The following ZC3H7B variants were observed in gnomAD, a reference collection of about 807,000 sequenced individuals.
The protein encoded by ZC3H7B is zinc finger CCCH domain-containing protein 7B.
Under a neutral mutation model 116.0 loss-of-function variants are expected in ZC3H7B, and 35 were observed. The observed-to-expected ratio is 0.30, with a 90% CI of 0.23 to 0.40. The LOEUF is 0.40. Ranked by LOEUF, ZC3H7B falls within the 10% of genes least tolerant of loss-of-function variation. The probability of loss-of-function intolerance (pLI) is 1.00; values close to 1 mark genes in which losing one functional copy is unlikely to be tolerated. For missense variants in ZC3H7B, 1,011 were observed against 1,321.5 expected (o/e 0.77, Z 3.64); for synonymous variants, 502 against 545.6 (o/e 0.92, Z 1.11).
At chr22:41,308,486 C>A (rs1004194593) in intron 1 of ZC3H7B, among the ~76,000 whole-genome samples, 12 of 152,170 alleles carry the variant, frequency 7.9e-5, no homozygotes, top group African/African-American at 2.7e-4. Flanking sequence ...GAATCTGCAT[C>A]AGGGGTTGTA....
At chr22:41,354,049 A>T (rs754263996) in intron 17 of ZC3H7B, among the ~76,000 whole-genome samples, 2 of 152,154 alleles carry the variant, frequency 1.3e-5, no homozygotes, top group Non-Finnish European at 2.9e-5. Context: ...TGGGCAACAT[A>T]GTGAGACCCC....
Position 41,330,169 on chromosome 22 carries a change from G to T in ZC3H7B, c.525+66G>T, listed in dbSNP as rs938616317. The T allele has an allele frequency of 6.4e-6, 10 of 1,559,920 alleles. No individual in the cohort carries two copies. In the African/African-American group the frequency reaches 1.2e-4, roughly 19 times the overall value. On this transcript the variant is annotated intron_variant, in intron 6 of 22. Coordinates refer to ENST00000352645, the MANE Select transcript of ZC3H7B (RefSeq NM_017590.6). ...GAGGAGGTCTGAAGGGAGGGACCAGGCTCCGTGGGGAAGGTGGGTGAGGGT... is the reference window on the plus strand; with the variant it reads ...GAGGAGGTCTGAAGGGAGGGACCAGTCTCCGTGGGGAAGGTGGGTGAGGGT...
At position 41,305,420 on chromosome 22, in the gene ZC3H7B, G is replaced by T. The variant is rs377568065; in HGVS notation, c.-7+3648G>T. The stretch of plus-strand genomic sequence containing the variant: ...AGCTACTCAGGAGGCTGAGGCAGGA[G>T]AATCTCTTGAACCTGGGGGGTGGAG... On this transcript the variant is annotated intron_variant, in intron 1 of 22. Coordinates refer to ENST00000352645, the MANE Select transcript of ZC3H7B (RefSeq NM_017590.6). 4.2e-3 allele frequency among the ~76,000 whole-genome samples: 642 copies of T among 151,886 alleles called. 15 individuals carry two copies. The South Asian group carries it at 0.076, about 18-fold the overall frequency.
chr22:41,312,583 C>T (rs1204049146), intron 1 of ZC3H7B, among the ~76,000 whole-genome samples: 1 of 151,836 alleles, frequency 6.6e-6, no homozygotes, highest in South Asian at 2.1e-4. Context: ...CAGTGAGACC[C>T]TGCCTCTAAA....
chr22:41,357,980 T>C lies in ZC3H7B; in HGVS notation c.*551T>C, dbSNP rs542431375. ...GGCCTCAGCTTTCCCTCCGGAAGGC[T>C]GGGAGGAGGTGGGCTAGATGATCTT... is the stretch of plus-strand genomic sequence containing the variant. On this transcript the variant is annotated 3_prime_UTR_variant, in exon 23 of 23. Transcript: ENST00000352645. This position sits in a 1 kb window ranked among gnomAD's most constrained non-coding sequence, Gnocchi z 5.4. 2 of 158,404 alleles carry C rather than the reference T, an allele frequency of 1.3e-5. No individual in the cohort carries two copies. Among genetic ancestry groups the C allele is most frequent in the South Asian group, 3.6e-4 (2 of 5,512 alleles). 9.8% of individuals were successfully genotyped at this position (158,404 alleles called of 1,614,324 possible). A position where few individuals can be genotyped will look rare whatever the true frequency, so the allele number is the denominator to read the frequency against.
chr22:41,357,596 TGC>T lies in ZC3H7B; in HGVS notation c.*169_*170del. ...TCTTCTCCCCACCACCGCCCCGGTG[TGC>T]GTACCCAGGCGCACGTGCTGCAGCC... On this transcript the variant is annotated 3_prime_UTR_variant, in exon 23 of 23. Transcript: ENST00000352645. The surrounding 1 kb of genome is among the most constrained non-coding windows in gnomAD (Gnocchi z 5.4). The T allele has an allele frequency of 1.0e-6, 1 of 1,002,172 alleles. No individual in the cohort carries two copies. The highest frequency in any genetic ancestry group is 1.4e-6 in the Non-Finnish European group (1 of 706,246). 62.1% of individuals were successfully genotyped at this position (1,002,172 alleles called of 1,614,324 possible).
chr22:41,348,103 G>A lies in ZC3H7B; in HGVS notation c.1702G>A (p.Gly568Ser). The change falls in exon 15 of 23, where the codon GGC (glycine) becomes AGC (serine). Residue 568 changes from glycine to serine, a missense_variant. Coordinates refer to ENST00000352645, the MANE Select transcript of ZC3H7B (RefSeq NM_017590.6). ...CAGTAAACCCCGGATCATCAGCAAA[G>A]GCACCAAGGACTCTCCGTCTGTCTG... ...FDSKPRIISK[G>S]TKDSPSVCSN... 6.2e-7 allele frequency: 1 copy of A among 1,614,062 alleles called. No individual in the cohort carries two copies. The highest frequency in any genetic ancestry group is 1.1e-5 in the South Asian group (1 of 91,088).
chr22:41,356,254 G>A (rs1206042627), intron 20 of ZC3H7B, 89 bp from the exon 21 acceptor site: 31 of 1,577,810 alleles, frequency 2.0e-5, no homozygotes, highest in Non-Finnish European at 2.4e-5. Context: ...GACTTGGGAC[G>A]CCCACGGCTC....
chr22:41,355,331 A>G, intron 17 of ZC3H7B, 138 bp from the exon 18 acceptor site: 1 of 1,228,336 alleles, frequency 8.1e-7, no homozygotes, highest in Non-Finnish European at 1.1e-6. Context: ...TGCAGTTGGG[A>G]GGTCACTGCC....
intron 1 of ZC3H7B, among the ~76,000 whole-genome samples, chr22:41,309,457 G>A (rs1366770991): frequency 6.6e-6 from 1 of 151,920 alleles, no homozygotes; most frequent in Admixed American, 6.6e-5. Context: ...GGGATTACAG[G>A]TGCCCACCAC....
intron 1 of ZC3H7B, among the ~76,000 whole-genome samples, chr22:41,306,788 C>T (rs1373417984): frequency 1.3e-5 from 2 of 152,100 alleles, no homozygotes; most frequent in African/African-American, 4.8e-5. Flanking sequence ...AGCTGCAGAG[C>T]CAACCCAGGA....
rs2036364358 is a variant in ZC3H7B at position 41,330,165 on chromosome 22, C to T, written c.525+62C>T. 1.9e-6 allele frequency: 3 copies of T among 1,572,638 alleles called. No individual in the cohort carries two copies. The East Asian group carries it at 6.8e-5, about 36-fold the overall frequency. ...ACGTGAGGAGGTCTGAAGGGAGGGA[C>T]CAGGCTCCGTGGGGAAGGTGGGTGA... On this transcript the variant is annotated intron_variant, in intron 6 of 22. Coordinates refer to ENST00000352645, the MANE Select transcript of ZC3H7B (RefSeq NM_017590.6).
chr22:41,324,918 C>T (rs1279788858), intron 2 of ZC3H7B, among the ~76,000 whole-genome samples: 1 of 152,190 alleles, frequency 6.6e-6, no homozygotes, highest in African/African-American at 2.4e-5. Flanking sequence ...CCCTGGCACT[C>T]CTGCTGCAGC....
chr22:41,357,268 G>A lies in ZC3H7B; in HGVS notation c.2773G>A (p.Val925Met). The change falls in exon 23 of 23, where the codon GTG becomes ATG. Residue 925 changes from valine to methionine, a missense_variant. This residue lies in a region of ZC3H7B where 406 missense variants were observed against 590.2 expected (regional missense o/e 0.69). Transcript: ENST00000352645. The surrounding 1 kb of genome is among the most constrained non-coding windows in gnomAD (Gnocchi z 5.4). ...ELNEWLDRRE[V>M]LKQKLAKARK... Reference sequence around the variant, plus strand: ...CAACGAGTGGCTGGACCGGCGCGAGGTGCTGAAGCAGAAGTTGGCCAAGGC... The same window carrying A: ...CAACGAGTGGCTGGACCGGCGCGAGATGCTGAAGCAGAAGTTGGCCAAGGC... 1 of 1,613,788 alleles carries A rather than the reference G, an allele frequency of 6.2e-7. No homozygotes were observed. The highest frequency in any genetic ancestry group is 8.5e-7 in the Non-Finnish European group (1 of 1,179,990).
intron 7 of ZC3H7B, chr22:41,336,728 C>G (rs2036452790): frequency 6.6e-6 from 1 of 152,042 alleles, no homozygotes; most frequent in Non-Finnish European, 1.5e-5. Context: ...TCTGTAATCC[C>G]AGCTACTCAG....
chr22:41,304,709 A>C (rs2145891457), intron 1 of ZC3H7B, among the ~76,000 whole-genome samples: 1 of 152,320 alleles, frequency 6.6e-6, no homozygotes, highest in Non-Finnish European at 1.5e-5. Flanking sequence ...TTTCTGGGTT[A>C]GCCACAATTG....
At chr22:41,318,023 T>G (rs2036206510) in intron 1 of ZC3H7B, among the ~76,000 whole-genome samples, 1 of 151,880 alleles carries the variant, frequency 6.6e-6, no homozygotes, top group Non-Finnish European at 1.5e-5. Flanking sequence ...TCTCAGTTAT[T>G]TAGTGACAAC....
rs369068790 is a variant in ZC3H7B at position 41,343,580 on chromosome 22, G to C, written c.1459+4G>C. 105 of 1,592,862 alleles carry C rather than the reference G, an allele frequency of 6.6e-5. No individual in the cohort carries two copies. The highest frequency in any genetic ancestry group is 9.4e-6 in the Non-Finnish European group (11 of 1,165,828). ...GGCTCCTACTACCTGTGCAAAGGTG[G>C]GTGGGCTGCAGCGGGGCAGGCAGCA... On this transcript the variant is annotated splice_donor_region_variant and intron_variant, in intron 13 of 22. Transcript: ENST00000352645.
intron 15 of ZC3H7B, among the ~76,000 whole-genome samples, 186 bp downstream of exon 15, chr22:41,348,353 A>C (rs752465180): frequency 6.6e-6 from 1 of 152,238 alleles, no homozygotes; most frequent in Non-Finnish European, 1.5e-5. Context: ...TCGAACATCT[A>C]CTATATTCCA....
Sources: allele counts gnomAD v4.1 joint callset (sites outside exome capture counted in the v4.1 genomes callset), GRCh38; gene constraint gnomAD v4.1.1; regional missense constraint gnomAD v4.1.1; non-coding constraint Gnocchi (gnomAD v3.1); transcripts MANE v1.5; gene names NCBI Gene and HGNC (gene_info 2026-07-23, HGNC 2026-07-21).